PNPLA1: variants seen among roughly 807,000 people sequenced by gnomAD.
The protein encoded by PNPLA1 is patatin like domain 1, omega-hydroxyceramide transacylase.
PNPLA1 carries 36 observed loss-of-function variants against 51.7 expected under a neutral mutation model. That is an observed-to-expected ratio of 0.70 (90% CI 0.53 to 0.92). The LOEUF (loss-of-function observed/expected upper bound fraction) is 0.92. Ranked by LOEUF, PNPLA1 falls within the 40% of genes least tolerant of loss-of-function variation. The pLI is 0.00. For missense variants in PNPLA1, 658 were observed against 682.5 expected (o/e 0.96, Z 0.40); for synonymous variants, 293 against 280.1 (o/e 1.05, Z -0.46).
chr6:36,258,071 C>T (rs182343692), intron 1 of PNPLA1, among the ~76,000 whole-genome samples: 162 of 152,226 alleles, frequency 1.1e-3, no homozygotes, highest in African/African-American at 3.7e-3. Context: ...GCAATCCTCC[C>T]GCCTCAGCCT....
chr6:36,288,443 A>ATTTTT (rs34132369), intron 1 of PNPLA1, among the ~76,000 whole-genome samples: 5 of 125,798 alleles, frequency 4.0e-5, no homozygotes, highest in Non-Finnish European at 8.2e-5. Flanking sequence ...AGGAGACCCT[A>ATTTTT]TTTTTTTTTT....
rs1491171575 is a variant in PNPLA1, at chr6:36,300,162, T to TGTGTGC, written c.776-1694_776-1693insCGTGTG. Reference sequence around the variant, plus strand: ...CAGTTTCTCAGACTTTTCTTATTCTTGTGTGTGTGTGTGTGTGAGAGAGAG... The same window carrying TGTGTGC: ...CAGTTTCTCAGACTTTTCTTATTCTTGTGTGCGTGTGTGTGTGTGTGTGAGAGAGAG... On this transcript the variant is annotated intron_variant, in intron 5 of 8. Transcript: ENST00000636260. 7.3e-4 allele frequency among the ~76,000 whole-genome samples: 43 copies of TGTGTGC among 58,682 alleles called. 1 individual carries two copies. The highest frequency in any genetic ancestry group is 1.7e-3 in the Non-Finnish European group (36 of 21,748). The allele number at this position is 58,682 out of a possible 152,430, so 38.5% of individuals were successfully genotyped here. A position where few individuals can be genotyped will look rare whatever the true frequency, so the allele number is the denominator to read the frequency against.
At chr6:36,292,157 C>A (rs1412731478) in intron 2 of PNPLA1, among the ~76,000 whole-genome samples, 2 of 152,242 alleles carry the variant, frequency 1.3e-5, no homozygotes, top group East Asian at 3.9e-4. Context: ...AGCTGTGTGG[C>A]CTCCTTCCCA....
chr6:36,289,768 T>G (rs1770618778), intron 1 of PNPLA1, among the ~76,000 whole-genome samples: 2 of 151,090 alleles, frequency 1.3e-5, no homozygotes, highest in Admixed American at 6.6e-5. Flanking sequence ...CTTTTCTCTG[T>G]GTCAGTTTCT....
At chr6:36,259,285 A>G (rs1431590315) in intron 1 of PNPLA1, among the ~76,000 whole-genome samples, 1 of 152,190 alleles carries the variant, frequency 6.6e-6, no homozygotes, top group Non-Finnish European at 1.5e-5. Context: ...TATTTAAGCT[A>G]AACTAAGCTG....
rs560796709 is a variant in PNPLA1 at position 36,313,687 on chromosome 6, G to T, written c.*1801G>T. Among the ~76,000 whole-genome samples, 1 of 152,178 alleles carries T rather than the reference G, an allele frequency of 6.6e-6. No individual in the cohort carries two copies. Among genetic ancestry groups the T allele is most frequent in the African/African-American group, 2.4e-5 (1 of 41,446 alleles). On this transcript the variant is annotated 3_prime_UTR_variant, in exon 9 of 9. Transcript: ENST00000636260. ...GGAAGCAGCTGGAGGTGTGTACTGT[G>T]GGGGAGACTGACTAGAGAGGCCCGC...
intron 1 of PNPLA1, among the ~76,000 whole-genome samples, chr6:36,282,044 G>GGAAGGAAAGAAAGAAA: frequency 2.9e-5 from 1 of 34,568 alleles, no homozygotes; most frequent in African/African-American, 1.6e-4. Context: ...AAAGAAAGAA[G>GGAAGGAAAGAAAGAAA]GAAAGAAAGA....
At chr6:36,248,859 G>A (rs530349099) in intron 1 of PNPLA1, among the ~76,000 whole-genome samples, 3 of 152,268 alleles carry the variant, frequency 2.0e-5, no homozygotes, top group South Asian at 2.1e-4. Flanking sequence ...CCAAAAGATT[G>A]AGTCCTATTG....
intron 1 of PNPLA1, among the ~76,000 whole-genome samples, chr6:36,259,249 T>A (rs1769595278): frequency 6.6e-6 from 1 of 152,170 alleles, no homozygotes; most frequent in South Asian, 2.1e-4. Flanking sequence ...CACAGCTAAA[T>A]TTAGGGCTCA....
In PNPLA1 at chr6:36,295,443, C is replaced by G; in HGVS notation, c.775+19C>G. ...CGGCTGAGTAAGTACCGGTGGGGCC[C>G]CAGGTAAGGGCAGTGTTGGAGGGTA... On this transcript the variant is annotated intron_variant, in intron 5 of 8. Coordinates refer to ENST00000636260, the MANE Select transcript of PNPLA1 (RefSeq NM_001374623.1). 1 of 1,613,354 alleles carries G rather than the reference C, an allele frequency of 6.2e-7. No individual in the cohort carries two copies. Among genetic ancestry groups the G allele is most frequent in the Non-Finnish European group, 8.5e-7 (1 of 1,179,348 alleles).
chr6:36,301,708 AC>A (rs1206219525), intron 5 of PNPLA1, among the ~76,000 whole-genome samples, 152 bp from the exon 6 acceptor site: 1 of 152,158 alleles, frequency 6.6e-6, no homozygotes, highest in African/African-American at 2.4e-5. Flanking sequence ...AGAAACCATC[AC>A]GTTTGTTTTC....
chr6:36,286,390 G>T (rs1489814023), intron 1 of PNPLA1, among the ~76,000 whole-genome samples: 1 of 152,062 alleles, frequency 6.6e-6, no homozygotes, highest in Non-Finnish European at 1.5e-5. Flanking sequence ...GGCTGAGATG[G>T]GAGGATTGCT....
Position 36,312,316 on chromosome 6 carries a change from A to G in PNPLA1, c.*430A>G, listed in dbSNP as rs1771424893. On this transcript the variant is annotated 3_prime_UTR_variant, in exon 9 of 9. Transcript: ENST00000636260. ...CAGTTGAACTTTCATACATGGAATG[A>G]TGTTTCAAACACCCTTTTATCACCT... 6.6e-6 allele frequency: 1 copy of G among 152,254 alleles called. No homozygotes were observed. Among genetic ancestry groups the G allele is most frequent in the African/African-American group, 2.4e-5 (1 of 41,470 alleles). 9.4% of individuals were successfully genotyped at this position (152,254 alleles called of 1,614,324 possible). A position where few individuals can be genotyped will look rare whatever the true frequency, so the allele number is the denominator to read the frequency against.
rs1769865242 is a variant in PNPLA1, at chr6:36,270,140, A to G, written c.-320A>G. ...CAGAGGGCTGAGGATCCCGTGCCCG[A>G]GATGAATCTAGCCAAGAAATGAAGC... On this transcript the variant is annotated 5_prime_UTR_variant, in exon 1 of 9. Transcript: ENST00000636260. 6.6e-6 allele frequency among the ~76,000 whole-genome samples: 1 copy of G among 152,254 alleles called. No individual in the cohort carries two copies. Among genetic ancestry groups the G allele is most frequent in the Non-Finnish European group, 1.5e-5 (1 of 68,042 alleles).
intron 1 of PNPLA1, among the ~76,000 whole-genome samples, chr6:36,287,789 CACACA>C (rs1561862395): frequency 3.7e-4 from 47 of 128,290 alleles, no homozygotes; most frequent in South Asian, 1.7e-3. Flanking sequence ...CACACACACA[CACACA>C]CCCCTGGAGA....
intron 1 of PNPLA1, among the ~76,000 whole-genome samples, chr6:36,258,017 GT>G (rs1261556144): frequency 1.3e-5 from 2 of 152,150 alleles, no homozygotes; most frequent in Non-Finnish European, 2.9e-5. Context: ...TAGAGATGAG[GT>G]TTTGCTACAT....
At position 36,313,944 on chromosome 6, in the gene PNPLA1, T is replaced by C. The variant is rs1420177348; in HGVS notation, c.*2058T>C. ...TAAACTATTAATACATCCTCTTGCA[T>C]ACTTCCCTTCACTTGGTTTAATTAT... is the stretch of plus-strand genomic sequence containing the variant. On this transcript the variant is annotated 3_prime_UTR_variant, in exon 9 of 9. Coordinates refer to ENST00000636260, the MANE Select transcript of PNPLA1 (RefSeq NM_001374623.1). 6.6e-6 allele frequency among the ~76,000 whole-genome samples: 1 copy of C among 152,266 alleles called. No homozygotes were observed. The highest frequency in any genetic ancestry group is 1.5e-5 in the Non-Finnish European group (1 of 68,046).
At chr6:36,301,645 C>G (rs1458547305) in intron 5 of PNPLA1, among the ~76,000 whole-genome samples, 1 of 152,196 alleles carries the variant, frequency 6.6e-6, no homozygotes, top group East Asian at 1.9e-4. Context: ...AGTTGAAACT[C>G]TAGATAATTT....
intron 1 of PNPLA1, among the ~76,000 whole-genome samples, chr6:36,289,525 C>G (rs1223831562): frequency 1.3e-5 from 2 of 152,052 alleles, no homozygotes; most frequent in Non-Finnish European, 2.9e-5. Context: ...CCAGGAGCAC[C>G]CTCCCCTGTA....
Sources: allele counts gnomAD v4.1 joint callset (sites outside exome capture counted in the v4.1 genomes callset), GRCh38; gene constraint gnomAD v4.1.1; transcripts MANE v1.5; gene names NCBI Gene and HGNC (gene_info 2026-07-23, HGNC 2026-07-21).